The following TCF12 variants were observed in gnomAD, a reference collection of about 807,000 sequenced individuals.
TCF12 encodes DNA-binding protein HTF4.
Under a neutral mutation model 86.0 loss-of-function variants are expected in TCF12, and 45 were observed. That is an observed-to-expected ratio of 0.52 (90% confidence interval 0.41 to 0.67). The LOEUF is 0.67. TCF12 is among the 30% of genes least tolerant of loss of function. The probability of loss-of-function intolerance (pLI) is 0.00; values close to 1 mark genes in which losing one functional copy is unlikely to be tolerated. For missense variants in TCF12, 881 were observed against 859.9 expected (o/e 1.02, Z -0.31); for synonymous variants, 330 against 299.6 (o/e 1.10, Z -1.05).
chr15:57,171,831 T>C (rs1433030640), intron 6 of TCF12, among the ~76,000 whole-genome samples: 1 of 152,218 alleles, frequency 6.6e-6, no homozygotes, highest in Non-Finnish European at 1.5e-5. Context: ...GGTATATCAC[T>C]TTAAAAACTA....
At chr15:57,169,749 G>A (rs75387122) in intron 6 of TCF12, among the ~76,000 whole-genome samples, 6,141 of 152,160 alleles carry the variant, frequency 0.04, 373 homozygotes, top group Admixed American at 0.17. Flanking sequence ...ATAAATCATA[G>A]TTCATGCTTA....
intron 3 of TCF12, among the ~76,000 whole-genome samples, chr15:56,981,550 G>C (rs1286852316): frequency 6.6e-6 from 1 of 152,122 alleles, no homozygotes; most frequent in African/African-American, 2.4e-5. Flanking sequence ...TTCAACATGA[G>C]TTTTGGAGGG....
intron 5 of TCF12, among the ~76,000 whole-genome samples, chr15:57,145,567 T>C (rs150576358): frequency 1.9e-3 from 294 of 152,306 alleles, no homozygotes; most frequent in African/African-American, 6.7e-3. Context: ...TTGAAGTTTC[T>C]TGGTCACCCA....
At chr15:56,979,063 A>G (rs1419685403) in intron 3 of TCF12, among the ~76,000 whole-genome samples, 1 of 152,178 alleles carries the variant, frequency 6.6e-6, no homozygotes, top group African/African-American at 2.4e-5. Context: ...TTTATAGAAC[A>G]TGCAGTGTTT....
At chr15:57,228,185 T>TTG (rs1179437383) in intron 8 of TCF12, among the ~76,000 whole-genome samples, 1 of 152,090 alleles carries the variant, frequency 6.6e-6, no homozygotes, top group Non-Finnish European at 1.5e-5. Flanking sequence ...CAGTTGTGCT[T>TTG]TGCCGCAAGA....
intron 3 of TCF12, among the ~76,000 whole-genome samples, chr15:56,944,865 G>C (rs753391829): frequency 6.6e-6 from 1 of 152,134 alleles, no homozygotes; most frequent in African/African-American, 2.4e-5. Flanking sequence ...GATATATTAA[G>C]AGATTCTATT....
chr15:56,990,383 C>T (rs1294053825), intron 3 of TCF12, among the ~76,000 whole-genome samples: 1 of 151,982 alleles, frequency 6.6e-6, no homozygotes, highest in East Asian at 1.9e-4. Context: ...GTTTTGGCCC[C>T]TTTTCTAGGA....
intron 3 of TCF12, among the ~76,000 whole-genome samples, chr15:56,950,096 G>T (rs979037376): frequency 3.3e-5 from 5 of 152,150 alleles, no homozygotes; most frequent in Non-Finnish European, 5.9e-5. Flanking sequence ...TCATTCTCAA[G>T]AGCTTCTCCT....
rs758256068 is a variant in TCF12 at position 57,166,417 on chromosome 15, G to A, written c.341G>A (p.Arg114Lys). ...NSNLMGKTSERGSFSLYSRDT... is the reference protein window; with the variant it reads ...NSNLMGKTSEKGSFSLYSRDT... ...TGTTTTATAGGAAAAACATCAGAGAGAGGCTCATTTTCCCTGTACAGCAGA... is the reference window on the plus strand; with the variant it reads ...TGTTTTATAGGAAAAACATCAGAGAAAGGCTCATTTTCCCTGTACAGCAGA... The change falls in exon 6 of 21, where the codon AGA becomes AAA. Residue 114 changes from arginine to lysine, a missense_variant. By Grantham distance (26) the Arg-to-Lys change is conservative. Transcript: ENST00000333725. 1.2e-6 allele frequency: 2 copies of A among 1,612,226 alleles called. No individual in the cohort carries two copies. The highest frequency in any genetic ancestry group is 1.7e-6 in the Non-Finnish European group (2 of 1,179,352).
At chr15:57,022,911 A>C (rs1273130580) in intron 3 of TCF12, among the ~76,000 whole-genome samples, 1 of 152,144 alleles carries the variant, frequency 6.6e-6, no homozygotes, top group Non-Finnish European at 1.5e-5. Flanking sequence ...TAATTTAATG[A>C]GATTTCTGAA....
intron 3 of TCF12, among the ~76,000 whole-genome samples, chr15:57,010,775 G>A (rs2064782804): frequency 6.6e-6 from 1 of 152,136 alleles, no homozygotes; most frequent in Non-Finnish European, 1.5e-5. Flanking sequence ...GAAAATGTTT[G>A]GAGACTCTTG....
At chr15:57,166,699 A>C (rs1164717345) in intron 6 of TCF12, among the ~76,000 whole-genome samples, 1 of 152,220 alleles carries the variant, frequency 6.6e-6, no homozygotes, top group Non-Finnish European at 1.5e-5. Flanking sequence ...CTGGAAACAA[A>C]GCTACCGCTT....
chr15:57,219,647 C>G (rs2058489524), intron 8 of TCF12: 1 of 1,494,906 alleles, frequency 6.7e-7, no homozygotes, highest in East Asian at 2.4e-5. Context: ...AAGCAGTATA[C>G]ATTACTCGCT....
chr15:56,986,696 A>G (rs62022986), intron 3 of TCF12, among the ~76,000 whole-genome samples: 59,047 of 152,092 alleles, frequency 0.39, 14,268 homozygotes, highest in Non-Finnish European at 0.53. Context: ...CCTTATATAC[A>G]CAGTATCTTT....
At chr15:57,128,368 C>G (rs2051836965) in intron 5 of TCF12, among the ~76,000 whole-genome samples, 1 of 152,182 alleles carries the variant, frequency 6.6e-6, no homozygotes, top group African/African-American at 2.4e-5. Flanking sequence ...TAAGAACCTT[C>G]ATTTATCCTA....
intron 5 of TCF12, among the ~76,000 whole-genome samples, chr15:57,153,844 A>C (rs1189767258): frequency 6.6e-6 from 1 of 151,952 alleles, no homozygotes; most frequent in African/African-American, 2.4e-5. Flanking sequence ...CAACATAGCA[A>C]GACTCTGTCT....
At chr15:57,254,917 G>T (rs1437901521) in intron 16 of TCF12, among the ~76,000 whole-genome samples, 1 of 151,154 alleles carries the variant, frequency 6.6e-6, no homozygotes, top group East Asian at 1.9e-4. Flanking sequence ...TGTTATCACT[G>T]CTGGTAATAG....
chr15:57,274,614 C>T (rs958949963), intron 19 of TCF12, among the ~76,000 whole-genome samples: 2 of 152,144 alleles, frequency 1.3e-5, no homozygotes, highest in Non-Finnish European at 2.9e-5. Context: ...GTGTCTGACA[C>T]CCTTTGTCTC....
At chr15:56,919,845 C>A in intron 1 of TCF12, 47 bp from the exon 2 acceptor site, 1 of 1,559,728 alleles carries the variant, frequency 6.4e-7, no homozygotes, top group Non-Finnish European at 8.8e-7. Flanking sequence ...CCCTCACACA[C>A]TTTGGGCCTC....
Sources: gnomAD v4.1 joint callset for allele counts (sites outside exome capture counted in the v4.1 genomes callset) on GRCh38, gnomAD v4.1.1 for gene constraint, MANE v1.5 for transcripts, NCBI Gene and HGNC (gene_info 2026-07-23, HGNC 2026-07-21) for gene names.